SREBF1: variants seen among roughly 807,000 people sequenced by gnomAD.
SREBF1 encodes the protein sterol regulatory element binding transcription factor 1, also known as sterol regulatory element-binding protein 1.
A neutral mutation model predicts 100.1 loss-of-function variants in SREBF1; 45 were observed. The ratio of observed to expected loss-of-function variants is 0.45; its 90% CI spans 0.35 to 0.58. The LOEUF (loss-of-function observed/expected upper bound fraction) is 0.58. Ranked by LOEUF, SREBF1 falls within the 20% of genes least tolerant of loss-of-function variation. The pLI is 0.00. For synonymous variants in SREBF1, 657 were observed against 681.8 expected (o/e 0.96, Z 0.57); for missense variants, 1,324 against 1,539.4 (o/e 0.86, Z 2.34).
At chr17:17,828,887 C>A (rs1427862885) in intron 1 of SREBF1, among the ~76,000 whole-genome samples, 2 of 151,938 alleles carry the variant, frequency 1.3e-5, no homozygotes, top group Non-Finnish European at 2.9e-5. Flanking sequence ...GTATTCCAGC[C>A]TGGGTGACAG....
intron 1 of SREBF1, among the ~76,000 whole-genome samples, chr17:17,826,775 C>A (rs2350978): frequency 2.6e-5 from 4 of 152,228 alleles, no homozygotes; most frequent in Non-Finnish European, 5.9e-5. Flanking sequence ...TTTAATGACT[C>A]TGGCCGATGT....
Position 17,816,222 on chromosome 17 carries a change from G to A in SREBF1, c.2199C>T (p.Ala733=), listed in dbSNP as rs1300453018. The A allele has an allele frequency of 1.2e-6, 1 of 808,430 alleles. No individual in the cohort carries two copies. Among genetic ancestry groups the A allele is most frequent in the East Asian group, 1.0e-4 (1 of 9,708 alleles). 50.1% of individuals were successfully genotyped at this position (808,430 alleles called of 1,614,324 possible). ...ACCCACTCACTGTCAGAAAATGCAA[G>A]GCCCGTGGGAGACTGGTCTTCACTC... is the stretch of plus-strand genomic sequence containing the variant. ...ALRVKTSLPR[A]LHFLTRFFLS... Residue 733 remains alanine, a synonymous_variant, in exon 11 of 19, where the codon GCC becomes GCT. Transcript: ENST00000261646.
intron 1 of SREBF1, among the ~76,000 whole-genome samples, chr17:17,825,886 G>A (rs976643102): frequency 6.6e-6 from 1 of 152,180 alleles, no homozygotes; most frequent in African/African-American, 2.4e-5. Flanking sequence ...AATGTGTTGC[G>A]ATTACAGGCA....
Position 17,824,345 on chromosome 17 carries a change from T to C in SREBF1, c.92-3824A>G, listed in dbSNP as rs1274193143. On this transcript the variant is annotated intron_variant, in intron 1 of 18. Coordinates refer to ENST00000261646, the MANE Select transcript of SREBF1 (RefSeq NM_004176.5). This position sits in a 1 kb window ranked among gnomAD's most constrained non-coding sequence, Gnocchi z 4.2. The stretch of plus-strand genomic sequence containing the variant: ...GAAACTGAGGCCTGGAAATAAGGGT[T>C]TCCTGACTGCCAGCACCGATGTCCC... 6.6e-6 allele frequency among the ~76,000 whole-genome samples: 1 copy of C among 152,100 alleles called. No homozygotes were observed. Among genetic ancestry groups the C allele is most frequent in the Non-Finnish European group, 1.5e-5 (1 of 68,002 alleles).
Position 17,812,163 on chromosome 17 carries a change from C to A in SREBF1, c.*459G>T, listed in dbSNP as rs1047985473. ...TGCAAAAGGCAAAGTAGCACAGGAG[C>A]CTCAGGTCAGGAGGCTAAGCACGCT... On this transcript the variant is annotated 3_prime_UTR_variant, in exon 19 of 19. Transcript: ENST00000261646. The A allele has an allele frequency of 4.7e-6, 2 of 429,330 alleles. No homozygotes were observed. The highest frequency in any genetic ancestry group is 4.2e-5 in the African/African-American group (2 of 47,482). The allele number at this position is 429,330 out of a possible 1,614,324, so 26.6% of individuals were successfully genotyped here.
chr17:17,819,291 C>T (rs748527487), intron 4 of SREBF1, 29 bp downstream of exon 4: 4 of 1,613,540 alleles, frequency 2.5e-6, no homozygotes, highest in Non-Finnish European at 3.4e-6. Context: ...GTAGACCCCA[C>T]TCCCTTATGC....
At chr17:17,832,934 CAAAA>C (rs1051240899) in intron 1 of SREBF1, among the ~76,000 whole-genome samples, 3 of 136,708 alleles carry the variant, frequency 2.2e-5, no homozygotes, top group Non-Finnish European at 4.8e-5. Context: ...AACAAACAAA[CAAAA>C]AAAAAAAAAC....
At position 17,820,483 on chromosome 17, in the gene SREBF1, G is replaced by T; in HGVS notation, c.130C>A (p.Pro44Thr). 1 of 1,614,084 alleles carries T rather than the reference G, an allele frequency of 6.2e-7. No homozygotes were observed. The highest frequency in any genetic ancestry group is 8.5e-7 in the Non-Finnish European group (1 of 1,180,016). Residue 44 changes from proline (P) to threonine (T), a missense_variant, in exon 2 of 19, where the codon CCT (proline) becomes ACT (threonine). Transcript: ENST00000261646. The part of the protein sequence containing the change: ...QLINNQDSDF[P>T]GLFDPPYAGS... The stretch of plus-strand genomic sequence containing the variant: ...GCATAGGGTGGGTCAAATAGGCCAG[G>T]GAAGTCACTGTCTTGGTTGTTGATA...
At chr17:17,822,609 T>C (rs1359107273) in intron 1 of SREBF1, among the ~76,000 whole-genome samples, 1 of 152,234 alleles carries the variant, frequency 6.6e-6, no homozygotes, top group East Asian at 1.9e-4. Context: ...TGGGTCAGAA[T>C]GCTCTACAGG....
Position 17,836,950 on chromosome 17 carries a change from A to G in SREBF1, c.-133T>C. 1 of 776,966 alleles carries G rather than the reference A, an allele frequency of 1.3e-6. No individual in the cohort carries two copies. The highest frequency in any genetic ancestry group is 1.8e-6 in the Non-Finnish European group (1 of 541,116). The allele number at this position is 776,966 out of a possible 1,614,324, so 48.1% of individuals were successfully genotyped here. A position where few individuals can be genotyped will look rare whatever the true frequency, so the allele number is the denominator to read the frequency against. ...CGTTCGTGTCCTGCCCTGGCCTCAG[A>G]GGCGGCCCGGCGCCGGCGAAAAGTT... On this transcript the variant is annotated 5_prime_UTR_variant, in exon 1 of 19. Coordinates refer to ENST00000261646, the MANE Select transcript of SREBF1 (RefSeq NM_004176.5).
intron 1 of SREBF1, among the ~76,000 whole-genome samples, chr17:17,826,947 C>G (rs997962755): frequency 4.6e-5 from 7 of 152,250 alleles, no homozygotes; most frequent in African/African-American, 1.7e-4. Flanking sequence ...GCCTTGTCCA[C>G]AGAACCCAGA....
At chr17:17,823,230 G>A (rs1208590925) in intron 1 of SREBF1, among the ~76,000 whole-genome samples, 3 of 152,216 alleles carry the variant, frequency 2.0e-5, no homozygotes, top group African/African-American at 7.2e-5. Context: ...CCCAAAGCGG[G>A]TGCAGAGAAT....
intron 2 of SREBF1, 101 bp from the exon 3 acceptor site, chr17:17,819,826 G>A: frequency 7.1e-7 from 1 of 1,416,704 alleles, no homozygotes; most frequent in Non-Finnish European, 9.4e-7. Flanking sequence ...ATGAGTCATT[G>A]CCCCATGTGG....
At chr17:17,816,783 A>AGCC in intron 9 of SREBF1, 65 bp from the exon 10 acceptor site, 1 of 1,567,902 alleles carries the variant, frequency 6.4e-7, no homozygotes, top group Non-Finnish European at 8.6e-7. Context: ...AGCTCAGAAG[A>AGCC]GCCGTCCACA....
intron 1 of SREBF1, among the ~76,000 whole-genome samples, chr17:17,821,444 A>G (rs2034096138): frequency 6.6e-6 from 1 of 152,126 alleles, no homozygotes. Flanking sequence ...GGAGCAGTCT[A>G]GGGCAGAGGG....
chr17:17,830,369 G>A (rs1047320214), intron 1 of SREBF1, among the ~76,000 whole-genome samples: 1 of 152,246 alleles, frequency 6.6e-6, no homozygotes, highest in African/African-American at 2.4e-5. Flanking sequence ...TTGGTTCAGG[G>A]CCTACTATGT....
At chr17:17,814,787 T>G (rs1309791192) in intron 14 of SREBF1, 40 bp from the exon 15 acceptor site, 1 of 1,610,292 alleles carries the variant, frequency 6.2e-7, no homozygotes, top group Non-Finnish European at 8.5e-7. Context: ...TCAGTCACGC[T>G]GCACGGGGGA....
intron 16 of SREBF1, 71 bp from the exon 17 acceptor site, chr17:17,813,840 T>C (rs1049024523): frequency 4.2e-6 from 6 of 1,444,966 alleles, no homozygotes; most frequent in Non-Finnish European, 5.6e-6. Context: ...GGGCCCGTGG[T>C]GCCAGGGGCC....
At chr17:17,825,413 G>A (rs993451761) in intron 1 of SREBF1, among the ~76,000 whole-genome samples, 8 of 152,032 alleles carry the variant, frequency 5.3e-5, no homozygotes, top group Non-Finnish European at 1.2e-4. Flanking sequence ...GGCGGGGGGG[G>A]CCTTCCAAGA....
Sources: allele counts gnomAD v4.1 joint callset (sites outside exome capture counted in the v4.1 genomes callset), GRCh38; gene constraint gnomAD v4.1.1; non-coding constraint Gnocchi (gnomAD v3.1); transcripts MANE v1.5; gene names NCBI Gene and HGNC (gene_info 2026-07-23, HGNC 2026-07-21).